Variants in ATXN7 observed in about 807,000 individuals in gnomAD.
The protein encoded by ATXN7 is ataxin-7.
ATXN7 carries 12 observed loss-of-function variants against 70.5 expected under a neutral mutation model. The ratio of observed to expected loss-of-function variants is 0.17; its 90% CI spans 0.11 to 0.28. ATXN7 has a LOEUF of 0.28. ATXN7 is among the 10% of genes least tolerant of loss of function. The pLI is 1.00. For synonymous variants in ATXN7, 498 were observed against 448.7 expected, an observed-to-expected ratio of 1.11 and a Z score of -1.39; for missense variants, 1,256 against 1,131.7, an observed-to-expected ratio of 1.11 and a Z score of -1.58.
Position 63,912,818 on chromosome 3 carries a change from G to C in ATXN7, c.220G>C (p.Ala74Pro), listed in dbSNP as rs201796752. 1 of 1,574,578 alleles carries C rather than the reference G, an allele frequency of 6.4e-7. No individual in the cohort carries two copies. Among genetic ancestry groups the C allele is most frequent in the Non-Finnish European group, 8.6e-7 (1 of 1,163,108 alleles). The change falls in exon 3 of 13, where the codon GCA becomes CCA. Residue 74 changes from alanine (A) to proline (P), a missense_variant. Transcript: ENST00000674280. Reference sequence around the variant, plus strand: ...CGGCGCCGCCTCCACCTCGGCCGCCGCAATGGCGACGGTCGGGGAGCGCAG... The same window carrying C: ...CGGCGCCGCCTCCACCTCGGCCGCCCCAATGGCGACGGTCGGGGAGCGCAG... Reference protein sequence around the residue: ...GPGAASTSAAAMATVGERRPL... With the variant: ...GPGAASTSAAPMATVGERRPL...
chr3:63,970,628 G>A (rs2075295787), intron 5 of ATXN7, among the ~76,000 whole-genome samples: 1 of 152,160 alleles, frequency 6.6e-6, no homozygotes, highest in Non-Finnish European at 1.5e-5. Context: ...TGAAAGCAGA[G>A]TTTAGAAAGA....
chr3:63,863,738 C>A, upstream of ATXN7: 1 of 1,249,370 alleles, frequency 8.0e-7, no homozygotes, highest in South Asian at 3.7e-5. Flanking sequence ...GCGGGCCGTG[C>A]AGCGGGCGCG....
At chr3:63,977,081 G>A (rs2075400518) in intron 5 of ATXN7, among the ~76,000 whole-genome samples, 3 of 152,148 alleles carry the variant, frequency 2.0e-5, no homozygotes, top group Non-Finnish European at 2.9e-5. Context: ...CACCCATGGT[G>A]GTGAACTGAG....
At chr3:63,889,850 C>A (rs752221062) in intron 1 of ATXN7, among the ~76,000 whole-genome samples, 2 of 152,146 alleles carry the variant, frequency 1.3e-5, no homozygotes, top group Non-Finnish European at 2.9e-5. Context: ...TTTTGTTTGG[C>A]CCTAGCTCCT....
At chr3:63,909,646 T>G (rs557371422) in intron 2 of ATXN7, among the ~76,000 whole-genome samples, 1 of 152,314 alleles carries the variant, frequency 6.6e-6, no homozygotes, top group Admixed American at 6.5e-5. Context: ...CTTGCTGTTT[T>G]GACTTTTTTT....
rs565340273 is a variant in ATXN7, at chr3:63,877,676, G to A, written c.-111+13518G>A. On this transcript the variant is annotated intron_variant, in intron 1 of 12. Coordinates refer to ENST00000674280, the MANE Select transcript of ATXN7 (RefSeq NM_001377405.1). The stretch of plus-strand genomic sequence containing the variant: ...AGACATTTGGGGTCCTTGTTGGAGT[G>A]GCTTATTGATATGAGCCATAAGTTC... Among the ~76,000 whole-genome samples, 3 of 152,170 alleles carry A rather than the reference G, an allele frequency of 2.0e-5. No homozygotes were observed. In the South Asian group the frequency reaches 6.2e-4, roughly 31 times the overall value.
In ATXN7 at chr3:64,002,419, T is replaced by A. The variant is rs1218470010; in HGVS notation, c.*2952T>A. On this transcript the variant is annotated 3_prime_UTR_variant, in exon 13 of 13. Transcript: ENST00000674280. ...GCATTGCTTCTTCCTGGTTGCCTGG[T>A]TTCCCGATAGACTACATGTAACTAA... The A allele has an allele frequency of 6.6e-6, 1 of 152,556 alleles. No individual in the cohort carries two copies. Among genetic ancestry groups the A allele is most frequent in the East Asian group, 1.9e-4 (1 of 5,190 alleles). 9.5% of individuals were successfully genotyped at this position (152,556 alleles called of 1,614,324 possible).
intron 4 of ATXN7, among the ~76,000 whole-genome samples, chr3:63,951,373 A>G (rs1278630491): frequency 6.6e-6 from 1 of 152,156 alleles, no homozygotes; most frequent in Non-Finnish European, 1.5e-5. Context: ...TTAAATCTTC[A>G]TAGGAAAGAA....
chr3:63,888,699 C>T (rs933411566), intron 1 of ATXN7, among the ~76,000 whole-genome samples: 11 of 152,130 alleles, frequency 7.2e-5, no homozygotes, highest in African/African-American at 2.4e-4. Flanking sequence ...TCGCTTGAAC[C>T]TGGGAGGCAG....
intron 5 of ATXN7, among the ~76,000 whole-genome samples, chr3:63,971,039 A>T (rs2075304908): frequency 6.6e-6 from 1 of 152,160 alleles, no homozygotes; most frequent in South Asian, 2.1e-4. Flanking sequence ...GCACCTCCGC[A>T]TTAGGGGGAG....
At chr3:63,867,192 T>C (rs376925362) in intron 1 of ATXN7, 1 of 152,328 alleles carries the variant, frequency 6.6e-6, no homozygotes, top group African/African-American at 2.4e-5. Context: ...CTCCCTGTAG[T>C]TGTGACCAGA....
intron 1 of ATXN7, among the ~76,000 whole-genome samples, chr3:63,894,180 A>G (rs1703373284): frequency 6.6e-6 from 1 of 152,212 alleles, no homozygotes; most frequent in Non-Finnish European, 1.5e-5. Context: ...TTACATGCCA[A>G]ATGACAAAGG....
chr3:63,985,163 A>G (rs2075554590), intron 8 of ATXN7, among the ~76,000 whole-genome samples: 1 of 152,196 alleles, frequency 6.6e-6, no homozygotes, highest in African/African-American at 2.4e-5. Flanking sequence ...TGAGGTTGCC[A>G]AAAGTTTTTT....
Position 63,998,284 on chromosome 3 carries a change from TTTG to T in ATXN7, c.2662-1163_2662-1161del, listed in dbSNP as rs371629727. On this transcript the variant is annotated intron_variant, in intron 12 of 12. Coordinates refer to ENST00000674280, the MANE Select transcript of ATXN7 (RefSeq NM_001377405.1). ...GACATGGAGCAGCTGCTTCCAGACATTTGTTACCAGTTTTAAAGAGAGGCTGCA... is the reference window on the plus strand; with the variant it reads ...GACATGGAGCAGCTGCTTCCAGACATTTACCAGTTTTAAAGAGAGGCTGCA... 5.4e-4 allele frequency: 534 copies of T among 984,806 alleles called. 3 individuals carry two copies. The African/African-American group carries it at 9.0e-3, about 17-fold the overall frequency. The allele number at this position is 984,806 out of a possible 1,614,324, so 61.0% of individuals were successfully genotyped here.
chr3:63,863,564 C>T, upstream of ATXN7: 1 of 1,196,054 alleles, frequency 8.4e-7, no homozygotes, highest in South Asian at 4.3e-5. Context: ...CTCCGAGGGG[C>T]GCTCGGGCTC....
chr3:63,900,478 A>AATTC (rs1328914344), intron 2 of ATXN7: 1 of 152,290 alleles, frequency 6.6e-6, no homozygotes, highest in Non-Finnish European at 1.5e-5. Flanking sequence ...ACTAAAGCTG[A>AATTC]AGGGCCATAA....
rs749292623 is a variant in ATXN7 at position 63,919,150 on chromosome 3, CAT to C, written c.394+5926_394+5927del. Among the ~76,000 whole-genome samples, 14 of 152,274 alleles carry C rather than the reference CAT, an allele frequency of 9.2e-5. No homozygotes were observed. The East Asian group carries it at 1.5e-3, about 17-fold the overall frequency. ...AATAAAAACTCAAAAGATTTCATGACATGTGAAAATTATATGAGACTTCAGTG... is the reference window on the plus strand; with the variant it reads ...AATAAAAACTCAAAAGATTTCATGACGTGAAAATTATATGAGACTTCAGTG... On this transcript the variant is annotated intron_variant, in intron 4 of 12. Transcript: ENST00000674280.
chr3:63,966,107 T>G (rs1425627944), intron 5 of ATXN7, among the ~76,000 whole-genome samples: 1 of 152,172 alleles, frequency 6.6e-6, no homozygotes, highest in Non-Finnish European at 1.5e-5. Context: ...TTCCCCACTG[T>G]ATTTCGTACA....
intron 2 of ATXN7, 134 bp downstream of exon 2, chr3:63,898,631 A>G (rs557379468): frequency 1.3e-5 from 2 of 152,364 alleles, no homozygotes; most frequent in East Asian, 3.9e-4. Context: ...GTTAAATGTA[A>G]TCCTGAATAT....
Sources: gnomAD v4.1 joint callset for allele counts (sites outside exome capture counted in the v4.1 genomes callset) on GRCh38, gnomAD v4.1.1 for gene constraint, MANE v1.5 for transcripts, NCBI Gene and HGNC (gene_info 2026-07-23, HGNC 2026-07-21) for gene names.